NOL4L: variants seen among roughly 807,000 people sequenced by gnomAD.
The protein encoded by NOL4L is nucleolar protein 4 like, also known as nucleolar protein 4-like.
Under a neutral mutation model 64.5 loss-of-function variants are expected in NOL4L, and 7 were observed. That is an observed-to-expected ratio of 0.11 (90% CI 0.06 to 0.20). The LOEUF (loss-of-function observed/expected upper bound fraction) is 0.20. Ranked by LOEUF, NOL4L falls within the 10% of genes least tolerant of loss-of-function variation. NOL4L has a pLI of 1.00. For missense variants in NOL4L, 680 were observed against 967.1 expected (o/e 0.70, Z 3.94); for synonymous variants, 413 against 401.0 (o/e 1.03, Z -0.36).
chr20:32,516,515 TAG>T (rs1367106687), intron 3 of NOL4L, among the ~76,000 whole-genome samples: 1 of 152,022 alleles, frequency 6.6e-6, no homozygotes, highest in Non-Finnish European at 1.5e-5. Flanking sequence ...GGAAGCTTCG[TAG>T]AGAGAATCGG....
rs1192841669 is a variant in NOL4L, at chr20:32,452,391, G to A, written c.1667C>T (p.Ala556Val). Reference sequence around the variant, plus strand: ...CAGTGAGTAGGTGGAGTGGGTGATGGCTGCGGAGTCCCGCGAGTGCTGCTT... The same window carrying A: ...CAGTGAGTAGGTGGAGTGGGTGATGACTGCGGAGTCCCGCGAGTGCTGCTT... ...LDKQHSRDSAAITHSTYSLPA... is the reference protein window; with the variant it reads ...LDKQHSRDSAVITHSTYSLPA... Residue 556 changes from alanine to valine, a missense_variant, in exon 10 of 11, where the codon GCC becomes GTC. By Grantham distance (64) the Ala-to-Val change is moderately conservative. Around this residue, in one of 4 missense-constraint regions of NOL4L, gnomAD observed 175 missense variants for 227.0 expected, o/e 0.77. Transcript: ENST00000621426. 6.2e-7 allele frequency: 1 copy of A among 1,611,480 alleles called. No individual in the cohort carries two copies. Among genetic ancestry groups the A allele is most frequent in the Admixed American group, 1.7e-5 (1 of 59,806 alleles).
intron 4 of NOL4L, among the ~76,000 whole-genome samples, chr20:32,491,531 C>T (rs1193139636): frequency 6.6e-6 from 1 of 152,224 alleles, no homozygotes; most frequent in Non-Finnish European, 1.5e-5. Flanking sequence ...GGGACAGGTT[C>T]TTAGAAGAGT....
intron 1 of NOL4L, chr20:32,537,056 G>T: frequency 1.0e-6 from 1 of 983,942 alleles, no homozygotes; most frequent in Non-Finnish European, 1.2e-6. Flanking sequence ...CACCTGCCCT[G>T]CCCCGCCCCC....
At chr20:32,550,022 C>T (rs2018778872) in intron 1 of NOL4L, among the ~76,000 whole-genome samples, 1 of 152,140 alleles carries the variant, frequency 6.6e-6, no homozygotes, top group South Asian at 2.1e-4. Flanking sequence ...TGTCCATCAA[C>T]TGTTGAATAA....
chr20:32,574,234 G>A (rs978596550), intron 1 of NOL4L, among the ~76,000 whole-genome samples: 8 of 152,188 alleles, frequency 5.3e-5, no homozygotes, highest in South Asian at 2.1e-4. Context: ...CCTGTTGCCC[G>A]GGGAGACCCC....
chr20:32,510,048 A>C (rs907022225), intron 4 of NOL4L: 2 of 864,426 alleles, frequency 2.3e-6, no homozygotes, highest in Non-Finnish European at 1.7e-6. Flanking sequence ...CAAAAGCAAC[A>C]CCCTCATTAC....
intron 1 of NOL4L, among the ~76,000 whole-genome samples, chr20:32,544,688 G>A (rs1010860290): frequency 6.6e-6 from 1 of 152,142 alleles, no homozygotes; most frequent in Non-Finnish European, 1.5e-5. Flanking sequence ...AACTCCAAGA[G>A]CAACAAACCA....
chr20:32,555,445 A>C (rs924148268), intron 1 of NOL4L, among the ~76,000 whole-genome samples: 14 of 151,672 alleles, frequency 9.2e-5, no homozygotes, highest in African/African-American at 2.4e-4. Context: ...GACTACAGGC[A>C]TGTAACACCA....
At chr20:32,470,641 G>A (rs928299470) in intron 5 of NOL4L, among the ~76,000 whole-genome samples, 3 of 152,262 alleles carry the variant, frequency 2.0e-5, no homozygotes, top group African/African-American at 4.8e-5. Flanking sequence ...ACAGAGCCCT[G>A]TTCAGACCCA....
At chr20:32,462,268 G>A (rs541489791) in intron 5 of NOL4L, among the ~76,000 whole-genome samples, 7 of 152,332 alleles carry the variant, frequency 4.6e-5, no homozygotes, top group East Asian at 1.9e-4. Flanking sequence ...TGGTTAGGCC[G>A]GCTAGAGGCA....
intron 3 of NOL4L, among the ~76,000 whole-genome samples, chr20:32,516,756 T>G (rs753116344): frequency 1.3e-5 from 2 of 151,990 alleles, no homozygotes; most frequent in Non-Finnish European, 2.9e-5. Flanking sequence ...CAAGGAGGGA[T>G]GTGGAGGGGC....
At chr20:32,497,449 G>A (rs2016739040) in intron 4 of NOL4L, among the ~76,000 whole-genome samples, 1 of 152,206 alleles carries the variant, frequency 6.6e-6, no homozygotes. Flanking sequence ...GCTTGACAAA[G>A]CCATCAGGGG....
At chr20:32,461,176 C>T (rs1215740222) in intron 5 of NOL4L, among the ~76,000 whole-genome samples, 1 of 152,236 alleles carries the variant, frequency 6.6e-6, no homozygotes, top group East Asian at 1.9e-4. Context: ...GCTGAGTTTA[C>T]TCCAACTGGA....
chr20:32,551,029 C>G (rs1209303529), intron 1 of NOL4L, among the ~76,000 whole-genome samples: 1 of 151,836 alleles, frequency 6.6e-6, no homozygotes, highest in Non-Finnish European at 1.5e-5. Context: ...GCACTCTAGC[C>G]TGGGAGACAG....
chr20:32,466,486 C>A (rs1470400669), intron 5 of NOL4L, among the ~76,000 whole-genome samples: 1 of 152,252 alleles, frequency 6.6e-6, no homozygotes, highest in Non-Finnish European at 1.5e-5. Flanking sequence ...ATGATGGACA[C>A]TTTCCTGTGA....
intron 2 of NOL4L, among the ~76,000 whole-genome samples, chr20:32,526,341 A>G (rs2018131430): frequency 6.6e-6 from 1 of 152,076 alleles, no homozygotes; most frequent in Non-Finnish European, 1.5e-5. Context: ...CCCAAAGCAC[A>G]CAGACCGAGA....
At chr20:32,457,824 T>A (rs1164435236) in intron 5 of NOL4L, among the ~76,000 whole-genome samples, 1 of 152,164 alleles carries the variant, frequency 6.6e-6, no homozygotes, top group Admixed American at 6.5e-5. Context: ...GGCTGCATCC[T>A]CGGAGTCCCG....
rs559047149 is a variant in NOL4L at position 32,463,585 on chromosome 20, C to A, written c.842-7190G>T. On this transcript the variant is annotated intron_variant, in intron 5 of 10. Coordinates refer to ENST00000621426, the MANE Select transcript of NOL4L (RefSeq NM_001256798.2). This position sits in a 1 kb window ranked among gnomAD's most constrained non-coding sequence, Gnocchi z 5.8. The stretch of plus-strand genomic sequence containing the variant: ...ATGCCTACGGGCAGGGAAGGACTGC[C>A]GTGTCCGTCTATTTGAACATGGGGC... Among the ~76,000 whole-genome samples the A allele has an allele frequency of 6.6e-6, 1 of 152,348 alleles. No individual in the cohort carries two copies. The highest frequency in any genetic ancestry group is 2.4e-5 in the African/African-American group (1 of 41,584).
intron 1 of NOL4L, among the ~76,000 whole-genome samples, chr20:32,558,617 C>T (rs1647062615): frequency 6.6e-6 from 1 of 152,238 alleles, no homozygotes; most frequent in Admixed American, 6.5e-5. Flanking sequence ...CATCCCCTGA[C>T]AGCCGTAACG....
Sources: gnomAD v4.1 joint callset for allele counts (sites outside exome capture counted in the v4.1 genomes callset) on GRCh38, gnomAD v4.1.1 for gene constraint, gnomAD v4.1.1 regional missense constraint, Gnocchi (gnomAD v3.1) non-coding constraint, MANE v1.5 for transcripts, NCBI Gene and HGNC (gene_info 2026-07-23, HGNC 2026-07-21) for gene names.